The following CD99 variants were observed in gnomAD, a reference collection of about 807,000 sequenced individuals.
The protein encoded by CD99 is CD99 antigen.
A neutral mutation model predicts 28.4 loss-of-function variants in CD99; 19 were observed. The observed-to-expected ratio is 0.67, with a 90% CI of 0.47 to 0.98. The LOEUF is 0.98. Ranked by LOEUF, CD99 falls within the 50% of genes least tolerant of loss-of-function variation. The pLI is 0.00. For synonymous variants in CD99, 103 were observed against 92.1 expected, an observed-to-expected ratio of 1.12 and a Z score of -0.67; for missense variants, 283 against 248.8, an observed-to-expected ratio of 1.14 and a Z score of -0.92.
intron 1 of CD99, among the ~76,000 whole-genome samples, chrX:2,711,529 C>T (rs1490605025): frequency 2.0e-5 from 3 of 151,534 alleles, no homozygotes; most frequent in African/African-American, 7.3e-5. Flanking sequence ...CAGCACCATT[C>T]GGAGTAGCCA....
Position 2,737,438 on chromosome X carries a change from G to A in CD99, c.476-762G>A, listed in dbSNP as rs775635976. On this transcript the variant is annotated intron_variant, in intron 8 of 9. Coordinates refer to ENST00000381192, the MANE Select transcript of CD99 (RefSeq NM_002414.5). ...TGATCCGCCCGCCTGGCCTCCCAAA[G>A]TGGTGGGATTACAGGTGTGAGCCAC... 2.4e-4 allele frequency among the ~76,000 whole-genome samples: 35 copies of A among 146,806 alleles called. No individual in the cohort carries two copies. The East Asian group carries it at 6.3e-3, about 26-fold the overall frequency.
intron 8 of CD99, among the ~76,000 whole-genome samples, chrX:2,736,685 A>G (rs908144799): frequency 6.6e-5 from 10 of 151,820 alleles, no homozygotes; most frequent in Admixed American, 3.9e-4. Flanking sequence ...GTGGAACCCC[A>G]TCTCTACTAA....
chrX:2,741,167 G>A lies in CD99; in HGVS notation c.*363G>A, dbSNP rs192172652. 9.8e-5 allele frequency: 29 copies of A among 295,826 alleles called. No homozygotes were observed. Among genetic ancestry groups the A allele is most frequent in the African/African-American group, 5.4e-4 (25 of 46,572 alleles). The allele number at this position is 295,826 out of a possible 1,614,324, so 18.3% of individuals were successfully genotyped here. On this transcript the variant is annotated 3_prime_UTR_variant, in exon 10 of 10. Coordinates refer to ENST00000381192, the MANE Select transcript of CD99 (RefSeq NM_002414.5). ...GCTGTTTACAAATCACGTGTCCATC[G>A]AGCACGTCTGAAACCCCTGGTAGCC...
At chrX:2,730,397 C>T (rs1188697341) in intron 8 of CD99, among the ~76,000 whole-genome samples, 1 of 152,062 alleles carries the variant, frequency 6.6e-6, no homozygotes, top group Admixed American at 6.6e-5. Flanking sequence ...TGGTCTTGAT[C>T]TCCTGACCTC....
intron 1 of CD99, among the ~76,000 whole-genome samples, chrX:2,693,843 G>A (rs1035171417): frequency 2.6e-5 from 4 of 152,210 alleles, no homozygotes; most frequent in African/African-American, 9.6e-5. Context: ...GAGACACTTT[G>A]TGATGGTTGC....
chrX:2,738,691 C>G (rs1424026629), intron 9 of CD99, among the ~76,000 whole-genome samples: 1 of 151,398 alleles, frequency 6.6e-6, no homozygotes, highest in Non-Finnish European at 1.5e-5. Context: ...TGCCATTGCA[C>G]TCCAGCCTGG....
At chrX:2,700,743 TATCC>T (rs1254441744) in intron 1 of CD99, among the ~76,000 whole-genome samples, 5 of 151,880 alleles carry the variant, frequency 3.3e-5, no homozygotes, top group Non-Finnish European at 5.9e-5. Context: ...TCCACTCATC[TATCC>T]ATCCATTCAC....
intron 8 of CD99, among the ~76,000 whole-genome samples, chrX:2,734,368 G>A (rs776922091): frequency 1.3e-4 from 19 of 151,728 alleles, no homozygotes; most frequent in Non-Finnish European, 2.5e-4. Flanking sequence ...GTGCAGTGGT[G>A]CAATCTTGGC....
chrX:2,704,705 G>A (rs1426582532), intron 1 of CD99, among the ~76,000 whole-genome samples: 2 of 152,072 alleles, frequency 1.3e-5, no homozygotes, highest in Non-Finnish European at 1.5e-5. Flanking sequence ...TTACAGGAGT[G>A]AGCCACCATG....
intron 2 of CD99, chrX:2,714,700 C>G (rs2048604107): frequency 2.6e-6 from 1 of 384,112 alleles, no homozygotes; most frequent in African/African-American, 2.1e-5. Flanking sequence ...CTAAAAAATG[C>G]AGATACAGAG....
chrX:2,741,106 C>T lies in CD99; in HGVS notation c.*302C>T, dbSNP rs2050168089. The T allele has an allele frequency of 2.3e-6, 1 of 427,742 alleles. No homozygotes were observed. The highest frequency in any genetic ancestry group is 4.2e-6 in the Non-Finnish European group (1 of 240,298). 26.5% of individuals were successfully genotyped at this position (427,742 alleles called of 1,614,324 possible). A position where few individuals can be genotyped will look rare whatever the true frequency, so the allele number is the denominator to read the frequency against. ...TAAGTCCCTGTAACTCAAATGTCAA[C>T]CCCACCGAGGCACCCCCCCGTCCCC... On this transcript the variant is annotated 3_prime_UTR_variant, in exon 10 of 10. Coordinates refer to ENST00000381192, the MANE Select transcript of CD99 (RefSeq NM_002414.5).
intron 8 of CD99, chrX:2,733,256 C>T: frequency 8.0e-7 from 1 of 1,253,520 alleles, no homozygotes; most frequent in Non-Finnish European, 1.1e-6. Flanking sequence ...CTTTCTAACA[C>T]CTCCCTGCTG....
intron 2 of CD99, among the ~76,000 whole-genome samples, chrX:2,716,935 G>A (rs936060828): frequency 3.3e-5 from 5 of 152,136 alleles, no homozygotes; most frequent in South Asian, 2.1e-4. Flanking sequence ...CCATCAATCC[G>A]GTGTCTCTCC....
chrX:2,716,093 A>G (rs1408735493), intron 2 of CD99, among the ~76,000 whole-genome samples: 1 of 146,940 alleles, frequency 6.8e-6, no homozygotes, highest in Non-Finnish European at 1.5e-5. Flanking sequence ...ATCTCGGCTC[A>G]CTGCAACCTC....
intron 1 of CD99, among the ~76,000 whole-genome samples, chrX:2,693,623 C>G (rs1260458538): frequency 6.6e-6 from 1 of 152,148 alleles, no homozygotes; most frequent in Non-Finnish European, 1.5e-5. Context: ...CCCGTTGAGC[C>G]TGAAGTAGGT....
At chrX:2,731,395 G>T (rs1390975669) in intron 8 of CD99, among the ~76,000 whole-genome samples, 1 of 152,194 alleles carries the variant, frequency 6.6e-6, no homozygotes, top group African/African-American at 2.4e-5. Context: ...TTTGAGACCA[G>T]CCTGGCCAAC....
intron 2 of CD99, among the ~76,000 whole-genome samples, chrX:2,716,497 T>C (rs1033354240): frequency 6.6e-6 from 1 of 151,794 alleles, no homozygotes; most frequent in African/African-American, 2.4e-5. Flanking sequence ...CCACCTCACC[T>C]GGTACAGTGA....
At chrX:2,737,307 A>T (rs754625406) in intron 8 of CD99, among the ~76,000 whole-genome samples, 11 of 151,248 alleles carry the variant, frequency 7.3e-5, no homozygotes, top group African/African-American at 2.4e-4. Flanking sequence ...CCTCCCAAGT[A>T]GCGGGGACTA....
chrX:2,733,155 C>G (rs1176500187), intron 8 of CD99: 1 of 155,038 alleles, frequency 6.5e-6, no homozygotes, highest in Non-Finnish European at 1.4e-5. Flanking sequence ...CTTCCTCTGT[C>G]TCTCCCTTCC....
Sources: gnomAD v4.1 joint callset for allele counts (sites outside exome capture counted in the v4.1 genomes callset) on GRCh38, gnomAD v4.1.1 for gene constraint, MANE v1.5 for transcripts, NCBI Gene and HGNC (gene_info 2026-07-23, HGNC 2026-07-21) for gene names.